F12: variants seen among roughly 807,000 people sequenced by gnomAD.
The protein encoded by F12 is coagulation factor XII, also known as Hageman factor.
F12 carries 70 observed loss-of-function variants against 74.8 expected under a neutral mutation model. The ratio of observed to expected loss-of-function variants is 0.94; its 90% CI spans 0.77 to 1.14. F12 has a LOEUF of 1.14. Among genes scored for constraint, F12 ranks in the 50% most tolerant of loss-of-function variants. F12 has a pLI of 0.00. For synonymous variants in F12, 373 were observed against 356.4 expected (o/e 1.05, Z -0.52); for missense variants, 811 against 835.7 (o/e 0.97, Z 0.36).
intron 2 of F12, among the ~76,000 whole-genome samples, chr5:177,406,280 A>G (rs1763290217): frequency 6.6e-6 from 1 of 152,164 alleles, no homozygotes. Context: ...CGAGGTCAGG[A>G]GATCAAGACC....
intron 9 of F12, 45 bp downstream of exon 9, chr5:177,404,151 G>T: frequency 2.5e-6 from 4 of 1,579,586 alleles, no homozygotes; most frequent in Non-Finnish European, 1.7e-6. Context: ...AATCTAGCTC[G>T]CCCGGCGCCC....
Position 177,403,351 on chromosome 5 carries a change from C to G in F12, c.1434G>C (p.Leu478=), listed in dbSNP as rs760224473. ...QEDADGSCAL[L]SPYVQPVCLP... ...GGCACACCGGCTGAACGTAAGGCGA[C>G]AGGAGCGCGCAGCTGCCGTCCGCAT... The change falls in exon 12 of 14, where the codon CTG becomes CTC. Residue 478 remains leucine (L), a synonymous_variant. Coordinates refer to ENST00000253496, the MANE Select transcript of F12 (RefSeq NM_000505.4). The G allele has an allele frequency of 1.3e-5, 21 of 1,598,854 alleles. No homozygotes were observed. In the African/African-American group the frequency reaches 2.5e-4, roughly 19 times the overall value.
rs1304655392 is a variant in F12, at chr5:177,403,759, G to A, written c.1250+100C>T. Reference sequence around the variant, plus strand: ...AGGGGCGTGGAAAGAAGGGTGGGGCGGGAGAAGGTAGGGCACGGGTTCGGG... The same window carrying A: ...AGGGGCGTGGAAAGAAGGGTGGGGCAGGAGAAGGTAGGGCACGGGTTCGGG... On this transcript the variant is annotated intron_variant, in intron 10 of 13. Coordinates refer to ENST00000253496, the MANE Select transcript of F12 (RefSeq NM_000505.4). The A allele has an allele frequency of 1.0e-5, 15 of 1,458,774 alleles. 1 individual carries two copies. Among genetic ancestry groups the A allele is most frequent in the Non-Finnish European group, 1.4e-5 (15 of 1,094,840 alleles). The allele number at this position is 1,458,774 out of a possible 1,614,324, so 90.4% of individuals were successfully genotyped here.
chr5:177,403,929 G>A lies in F12; in HGVS notation c.1180C>T (p.His394Tyr), dbSNP rs1252974964. Residue 394 changes from histidine to tyrosine, a missense_variant, in exon 10 of 14, where the codon CAC becomes TAC. Transcript: ENST00000253496. ...ATGAGGCTGCCGGCGCAGAAACTGT[G>A]GCCCCAGTACAGCGCGGCGATGTAG... ...HPYIAALYWG[H>Y]SFCAGSLIAP... The A allele has an allele frequency of 6.3e-7, 1 of 1,597,086 alleles. No individual in the cohort carries two copies. Among genetic ancestry groups the A allele is most frequent in the Non-Finnish European group, 8.5e-7 (1 of 1,175,688 alleles).
At chr5:177,409,022 G>A (rs750785194) in intron 2 of F12, 24 bp downstream of exon 2, 55 of 1,550,210 alleles carry the variant, frequency 3.5e-5, no homozygotes, top group South Asian at 2.6e-4. Flanking sequence ...AAGGGTTCCC[G>A]GGAGGAGGAG....
chr5:177,408,931 G>A, intron 2 of F12, 115 bp downstream of exon 2: 2 of 983,714 alleles, frequency 2.0e-6, no homozygotes, highest in Non-Finnish European at 3.1e-6. Context: ...TAGTGCCCAT[G>A]GGCATAAGAC....
chr5:177,404,231 G>A lies in F12; in HGVS notation c.983C>T (p.Thr328Met). 1.2e-6 allele frequency: 2 copies of A among 1,602,076 alleles called. No individual in the cohort carries two copies. The highest frequency in any genetic ancestry group is 1.1e-5 in the South Asian group (1 of 90,126). Residue 328 changes from threonine to methionine, a missense_variant, in exon 9 of 14, where the codon ACG (threonine) becomes ATG (methionine). Coordinates refer to ENST00000253496, the MANE Select transcript of F12 (RefSeq NM_000505.4). ...AQPAPPKPQP[T>M]TRTPPQSQTP... ...CTGGGACTGAGGCGGGGTCCGGGTC[G>A]TGGGCTGAGGCTTCGGCGGTGCCGG...
chr5:177,404,751 C>A, intron 7 of F12, 59 bp downstream of exon 7: 1 of 1,590,998 alleles, frequency 6.3e-7, no homozygotes, highest in South Asian at 1.1e-5. Context: ...CCTCCTCCTT[C>A]CTGGCAAGCC....
chr5:177,405,886 A>T (rs1194627978), intron 3 of F12, 76 bp downstream of exon 3: 2 of 1,601,876 alleles, frequency 1.2e-6, no homozygotes, highest in African/African-American at 2.7e-5. Flanking sequence ...CTCTCCAAGC[A>T]GAGTTCCTTG....
chr5:177,407,746 T>C (rs1387972808), intron 2 of F12, among the ~76,000 whole-genome samples: 6 of 151,306 alleles, frequency 4.0e-5, no homozygotes, highest in East Asian at 1.9e-4. Context: ...GATCGCGCCA[T>C]TGCACTCTAG....
rs552424629 is a variant in F12, at chr5:177,404,183, C to T, written c.1018+13G>A. 2.5e-6 allele frequency: 4 copies of T among 1,594,810 alleles called. No individual in the cohort carries two copies. The highest frequency in any genetic ancestry group is 2.6e-6 in the Non-Finnish European group (3 of 1,171,016). On this transcript the variant is annotated intron_variant, in intron 9 of 13. Transcript: ENST00000253496. Reference sequence around the variant, plus strand: ...GCCCTCTCGGCTCCTCCTTCCCCCCCCCACTTCCTAACCTCCCGGGGTCTG... The same window carrying T: ...GCCCTCTCGGCTCCTCCTTCCCCCCTCCACTTCCTAACCTCCCGGGGTCTG...
At chr5:177,403,449 T>C (rs1484954208) in intron 11 of F12, 32 bp downstream of exon 11, 1 of 1,562,004 alleles carries the variant, frequency 6.4e-7, no homozygotes, top group East Asian at 2.4e-5. Context: ...CCCCAAGCTC[T>C]CTTCCCGTCC....
chr5:177,404,241 G>A lies in F12; in HGVS notation c.973C>T (p.Pro325Ser). 8 of 1,599,742 alleles carry A rather than the reference G, an allele frequency of 5.0e-6. No individual in the cohort carries two copies. Among genetic ancestry groups the A allele is most frequent in the Non-Finnish European group, 5.1e-6 (6 of 1,171,882 alleles). ...LMPAQPAPPK[P>S]QPTTRTPPQS... ...GGCGGGGTCCGGGTCGTGGGCTGAG[G>A]CTTCGGCGGTGCCGGCTGCGCGGGC... The change falls in exon 9 of 14, where the codon CCT becomes TCT. Residue 325 changes from proline (P) to serine (S), a missense_variant. Coordinates refer to ENST00000253496, the MANE Select transcript of F12 (RefSeq NM_000505.4).
intron 2 of F12, among the ~76,000 whole-genome samples, chr5:177,406,842 G>A (rs1234669847): frequency 2.0e-5 from 3 of 152,240 alleles, no homozygotes; most frequent in Admixed American, 2.0e-4. Flanking sequence ...ACAGAGCAGT[G>A]AAAAATTTGC....
In F12 at chr5:177,404,018, C is replaced by G; in HGVS notation, c.1091G>C (p.Arg364Pro). 5 of 1,602,040 alleles carry G rather than the reference C, an allele frequency of 3.1e-6. No homozygotes were observed. Among genetic ancestry groups the G allele is most frequent in the Non-Finnish European group, 4.2e-6 (5 of 1,179,654 alleles). The change falls in exon 10 of 14, where the codon CGC becomes CCC. Residue 364 changes from arginine (R) to proline (P), a missense_variant. Transcript: ENST00000253496. The part of the protein sequence containing the change: ...NGPLSCGQRL[R>P]KSLSSMTRVV... ...GCGGGTCATCGAAGACAGACTCTTGCGGAGCCGCTGCCCGCAGCTCAGTGG... is the reference window on the plus strand; with the variant it reads ...GCGGGTCATCGAAGACAGACTCTTGGGGAGCCGCTGCCCGCAGCTCAGTGG...
intron 5 of F12, 38 bp downstream of exon 5, chr5:177,405,285 C>G: frequency 1.2e-6 from 2 of 1,613,372 alleles, no homozygotes; most frequent in South Asian, 2.2e-5. Flanking sequence ...TTGCCCCTGT[C>G]CCCCAGCACC....
chr5:177,404,972 T>C (rs1391591643), intron 6 of F12, 58 bp from the exon 7 acceptor site: 11 of 1,588,102 alleles, frequency 6.9e-6, no homozygotes, highest in Middle Eastern at 1.7e-4. Context: ...CAGAGAGCTC[T>C]CCTTCCTGGC....
chr5:177,404,274 G>C lies in F12; in HGVS notation c.940C>G (p.Pro314Ala). The C allele has an allele frequency of 6.3e-7, 1 of 1,597,242 alleles. No individual in the cohort carries two copies. The highest frequency in any genetic ancestry group is 8.5e-7 in the Non-Finnish European group (1 of 1,170,980). The change falls in exon 9 of 14, where the codon CCA (proline) becomes GCA (alanine). Residue 314 changes from proline (P) to alanine (A), a missense_variant. Transcript: ENST00000253496. ...GGTGCCGGCTGCGCGGGCATGAGTG[G>C]GACATGAAGCCTAGGGGACACCGGG... ...PTPVSPRLHVPLMPAQPAPPK... is the reference protein window; with the variant it reads ...PTPVSPRLHVALMPAQPAPPK...
chr5:177,408,328 A>G (rs1393150174), intron 2 of F12, among the ~76,000 whole-genome samples: 1 of 152,204 alleles, frequency 6.6e-6, no homozygotes, highest in African/African-American at 2.4e-5. Flanking sequence ...TGCTGGGATT[A>G]CAGGCATGAG....
Sources: gnomAD v4.1 joint callset for allele counts (sites outside exome capture counted in the v4.1 genomes callset) on GRCh38, gnomAD v4.1.1 for gene constraint, MANE v1.5 for transcripts, NCBI Gene and HGNC (gene_info 2026-07-23, HGNC 2026-07-21) for gene names.